Variants in INTS13 observed in about 807,000 individuals in gnomAD.
INTS13 encodes the protein asunder, spermatogenesis regulator homolog (Drosphila).
Under a neutral mutation model 90.2 loss-of-function variants are expected in INTS13, and 35 were observed. The ratio of observed to expected loss-of-function variants is 0.39; its 90% CI spans 0.30 to 0.51. INTS13 has a LOEUF of 0.51. INTS13 is among the 20% of genes least tolerant of loss of function. The pLI, the probability that INTS13 is intolerant of heterozygous loss-of-function variation, is 0.80. For synonymous variants in INTS13, 309 were observed against 277.1 expected, an observed-to-expected ratio of 1.11 and a Z score of -1.14; for missense variants, 601 against 851.2, an observed-to-expected ratio of 0.71 and a Z score of 3.66.
At chr12:26,911,735 G>A (rs1951781919) in intron 14 of INTS13, among the ~76,000 whole-genome samples, 2 of 151,488 alleles carry the variant, frequency 1.3e-5, no homozygotes, top group African/African-American at 4.9e-5. Flanking sequence ...TTGTGTAGAT[G>A]TATTTATGTT....
upstream of INTS13, chr12:26,938,223 C>CA (rs1371372675): frequency 6.6e-6 from 1 of 152,466 alleles, no homozygotes; most frequent in Non-Finnish European, 1.5e-5. Context: ...GCCTCCCCAA[C>CA]AGCGAAGTAC....
intron 8 of INTS13, among the ~76,000 whole-genome samples, chr12:26,918,877 T>C (rs1952021956): frequency 6.6e-6 from 1 of 152,012 alleles, no homozygotes; most frequent in South Asian, 2.1e-4. Flanking sequence ...AGAAATTAAG[T>C]AAAGAAATGG....
In INTS13 at chr12:26,905,439, T is replaced by C. The variant is rs1951575798; in HGVS notation, c.*58A>G. ...CCATCTTGCTGTAAAAGTACTTATA[T>C]CGAATTCCGCACAAAATATTTTTGC... On this transcript the variant is annotated 3_prime_UTR_variant, in exon 17 of 17. Coordinates refer to ENST00000261191, the MANE Select transcript of INTS13 (RefSeq NM_018164.3). 7 of 1,522,546 alleles carry C rather than the reference T, an allele frequency of 4.6e-6. No individual in the cohort carries two copies. The South Asian group carries it at 8.1e-5, about 18-fold the overall frequency. 94.3% of individuals were successfully genotyped at this position (1,522,546 alleles called of 1,614,324 possible).
Position 26,924,285 on chromosome 12 carries a change from G to A in INTS13, c.804+70C>T, listed in dbSNP as rs1937743616. 2.7e-5 allele frequency: 42 copies of A among 1,534,342 alleles called. 1 individual carries two copies. The South Asian group carries it at 4.3e-4, about 16-fold the overall frequency. On this transcript the variant is annotated intron_variant, in intron 7 of 16. Transcript: ENST00000261191. ...TGGGATTACAGGCATGAGCTACCACGCCTGGCCTCAAACAAATATTTAAAA... is the reference window on the plus strand; with the variant it reads ...TGGGATTACAGGCATGAGCTACCACACCTGGCCTCAAACAAATATTTAAAA...
intron 2 of INTS13, among the ~76,000 whole-genome samples, chr12:26,935,137 G>A (rs1938395144): frequency 6.6e-6 from 1 of 152,182 alleles, no homozygotes; most frequent in South Asian, 2.1e-4. Context: ...GCAGGCAGTG[G>A]GAGAGGAGAC....
In INTS13 at chr12:26,928,809, G is replaced by C. The variant is rs1465009187; in HGVS notation, c.397C>G (p.Leu133Val). 3.1e-6 allele frequency: 5 copies of C among 1,614,182 alleles called. No individual in the cohort carries two copies. The highest frequency in any genetic ancestry group is 4.2e-6 in the Non-Finnish European group (5 of 1,180,030). The change falls in exon 4 of 17, where the codon CTC (leucine) becomes GTC (valine). Residue 133 changes from leucine to valine, a missense_variant. Transcript: ENST00000261191. Reference sequence around the variant, plus strand: ...TGTTGGTATTCAGTAATTTTGCAGAGAGTTTCCACTGCTGCAACAAGGCCA... The same window carrying C: ...TGTTGGTATTCAGTAATTTTGCAGACAGTTTCCACTGCTGCAACAAGGCCA... ...LHGLVAAVET[L>V]CKITEYQHEA...
intron 8 of INTS13, among the ~76,000 whole-genome samples, chr12:26,921,008 T>C (rs181161695): frequency 6.6e-6 from 1 of 152,332 alleles, no homozygotes; most frequent in Admixed American, 6.5e-5. Flanking sequence ...TAACCAAATG[T>C]CAAAGCTTAA....
At chr12:26,925,912 G>GTTT (rs1463729728) in intron 5 of INTS13, 61 bp from the exon 6 acceptor site, 4 of 1,193,380 alleles carry the variant, frequency 3.4e-6, no homozygotes, top group Non-Finnish European at 4.9e-6. Context: ...AATTCAAGCA[G>GTTT]GTAAACTACT....
rs771730672 is a variant in INTS13 at position 26,928,865 on chromosome 12, C to T, written c.341G>A (p.Arg114Gln). Residue 114 changes from arginine to glutamine, a missense_variant, in exon 4 of 17, where the codon CGG becomes CAG. Arg to Gln is a conservative substitution (Grantham distance 43). This residue lies in a region of INTS13 where 284 missense variants were observed against 387.7 expected (regional missense o/e 0.73). Transcript: ENST00000261191. ...AATACTGCAGCACTCTGGATCTGCC[C>T]GAGGATTAGGAGGCCCAACAGCGGC... ...ALAAVGPPNPRADPECCSILH... is the reference protein window; with the variant it reads ...ALAAVGPPNPQADPECCSILH... 5.9e-5 allele frequency: 95 copies of T among 1,614,094 alleles called. 2 individuals carry two copies. In the South Asian group the frequency reaches 7.7e-4, roughly 13 times the overall value.
intron 6 of INTS13, 112 bp downstream of exon 6, chr12:26,925,649 A>G: frequency 1.1e-6 from 1 of 918,124 alleles, no homozygotes; most frequent in Non-Finnish European, 1.6e-6. Context: ...TGAAAACTCA[A>G]AATATTTTCT....
At position 26,913,521 on chromosome 12, in the gene INTS13, CTT is replaced by C; in HGVS notation, c.1739_1740del (p.Lys580ArgfsTer12). On this transcript the variant is annotated frameshift_variant, in exon 14 of 17. Coordinates refer to ENST00000261191, the MANE Select transcript of INTS13 (RefSeq NM_018164.3). LOFTEE classifies it high-confidence loss of function. The part of the protein sequence containing the change: ...RKKRGRKRED[K>X]EDKSEKAVKD... ...TTCACTGCTTTCTCTGACTTGTCCT[CTT>C]TGTCTTCCCTCTTTCTTCCTCGTTT... The C allele has an allele frequency of 1.2e-6, 2 of 1,614,146 alleles. No homozygotes were observed. The highest frequency in any genetic ancestry group is 1.7e-6 in the Non-Finnish European group (2 of 1,180,018).
intron 5 of INTS13, among the ~76,000 whole-genome samples, chr12:26,927,234 G>A (rs1427587106): frequency 6.6e-6 from 1 of 152,226 alleles, no homozygotes; most frequent in Non-Finnish European, 1.5e-5. Context: ...CACCTAACTT[G>A]TAGCCAAGTC....
At position 26,917,361 on chromosome 12, in the gene INTS13, G is replaced by A. The variant is rs1249052144; in HGVS notation, c.1060C>T (p.Leu354Phe). 1 of 1,450,928 alleles carries A rather than the reference G, an allele frequency of 6.9e-7. No individual in the cohort carries two copies. The highest frequency in any genetic ancestry group is 1.4e-5 in the South Asian group (1 of 69,490). The allele number at this position is 1,450,928 out of a possible 1,614,324, so 89.9% of individuals were successfully genotyped here. The part of the protein sequence containing the change: ...SRPSSCLTNF[L>F]LNGRSVLLEQ... ...AAATAATTAAAGTTACCATTTAGAA[G>A]AAAATTAGTAAGGCAGGAGGAAGGT... Residue 354 changes from leucine (L) to phenylalanine (F), a missense_variant, in exon 10 of 17, where the codon CTT becomes TTT. Physicochemically the swap from Leu to Phe is conservative, Grantham distance 22. This residue lies in a region of INTS13 where 89 missense variants were observed against 191.0 expected (regional missense o/e 0.47). Transcript: ENST00000261191.
At position 26,915,949 on chromosome 12, in the gene INTS13, TG is replaced by T. The variant is rs1951921685; in HGVS notation, c.1248+52del. 9 of 1,365,890 alleles carry T rather than the reference TG, an allele frequency of 6.6e-6. No homozygotes were observed. The East Asian group carries it at 2.1e-4, about 32-fold the overall frequency. The allele number at this position is 1,365,890 out of a possible 1,614,324, so 84.6% of individuals were successfully genotyped here. A position where few individuals can be genotyped will look rare whatever the true frequency, so the allele number is the denominator to read the frequency against. Reference sequence around the variant, plus strand: ...ATTTAACGAGCACTCGATAACTACTTGCTGAATGATGACAGATTCAAAACTT... The same window carrying T: ...ATTTAACGAGCACTCGATAACTACTTCTGAATGATGACAGATTCAAAACTT... On this transcript the variant is annotated intron_variant, in intron 11 of 16. Transcript: ENST00000261191.
chr12:26,911,232 T>C lies in INTS13; in HGVS notation c.1891A>G (p.Asn631Asp). The C allele has an allele frequency of 5.6e-6, 9 of 1,614,098 alleles. No individual in the cohort carries two copies. Among genetic ancestry groups the C allele is most frequent in the Non-Finnish European group, 7.6e-6 (9 of 1,179,980 alleles). Residue 631 changes from asparagine (N) to aspartate (D), a missense_variant, in exon 15 of 17, where the codon AAC (asparagine) becomes GAC (aspartate). Asn to Asp is a conservative substitution (Grantham distance 23, BLOSUM62 1). This residue lies in a region of INTS13 where 228 missense variants were observed against 272.5 expected (regional missense o/e 0.84). Coordinates refer to ENST00000261191, the MANE Select transcript of INTS13 (RefSeq NM_018164.3). ...TCCATTTCAACAAGGGGTTTTTTGTTTGGAGGTTCTGGGGAATCAGGCGAA... is the reference window on the plus strand; with the variant it reads ...TCCATTTCAACAAGGGGTTTTTTGTCTGGAGGTTCTGGGGAATCAGGCGAA... ...KDSPDSPEPPNKKPLVEMDET... is the reference protein window; with the variant it reads ...KDSPDSPEPPDKKPLVEMDET...
intron 11 of INTS13, 110 bp downstream of exon 11, chr12:26,915,891 TC>T: frequency 1.4e-6 from 1 of 701,536 alleles, no homozygotes; most frequent in East Asian, 2.8e-5. Flanking sequence ...ATAATCAACT[TC>T]TTCCAGTCTC....
chr12:26,919,385 C>T (rs1952041211), intron 8 of INTS13, among the ~76,000 whole-genome samples: 1 of 152,060 alleles, frequency 6.6e-6, no homozygotes, highest in Admixed American at 6.6e-5. Flanking sequence ...ATTTAAACAG[C>T]TCTGTTGTTT....
chr12:26,921,271 T>C (rs994787879), intron 8 of INTS13, among the ~76,000 whole-genome samples: 1 of 152,214 alleles, frequency 6.6e-6, no homozygotes, highest in Non-Finnish European at 1.5e-5. Context: ...TGGATTGAAA[T>C]AATTTTTAGA....
At chr12:26,906,472 G>C in intron 15 of INTS13, 35 bp from the exon 16 acceptor site, 2 of 1,572,102 alleles carry the variant, frequency 1.3e-6, no homozygotes, top group Non-Finnish European at 1.7e-6. Flanking sequence ...AGAAAAAAAA[G>C]ATAGAATAAT....
Sources: gnomAD v4.1 joint callset for allele counts (sites outside exome capture counted in the v4.1 genomes callset) on GRCh38, gnomAD v4.1.1 for gene constraint, gnomAD v4.1.1 regional missense constraint, MANE v1.5 for transcripts, NCBI Gene and HGNC (gene_info 2026-07-23, HGNC 2026-07-21) for gene names.